Variants in ECHDC1 observed in about 807,000 individuals in gnomAD.
The protein encoded by ECHDC1 is ethylmalonyl-CoA decarboxylase 1.
ECHDC1 carries 29 observed loss-of-function variants against 29.7 expected under a neutral mutation model. The observed-to-expected ratio is 0.98, with a 90% CI of 0.73 to 1.33. The LOEUF (loss-of-function observed/expected upper bound fraction) is 1.33, where lower values mean the gene tolerates loss of function less well. Ranked by LOEUF, ECHDC1 falls within the 40% of genes most tolerant of loss-of-function variation. ECHDC1 has a pLI of 0.00. For missense variants in ECHDC1, 328 were observed against 350.0 expected (o/e 0.94, Z 0.50); for synonymous variants, 126 against 123.1 (o/e 1.02, Z -0.15).
intron 5 of ECHDC1, chr6:127,313,667 ATG>A: frequency 1.6e-5 from 7 of 440,314 alleles, no homozygotes; most frequent in Admixed American, 1.3e-4. Context: ...CAAGTGTATA[ATG>A]AATTTTTAAA....
At chr6:127,333,998 C>A (rs1784205313) in intron 1 of ECHDC1, among the ~76,000 whole-genome samples, 1 of 152,086 alleles carries the variant, frequency 6.6e-6, no homozygotes, top group Non-Finnish European at 1.5e-5. Flanking sequence ...AGTTCCTGTG[C>A]AAGCTTTTTG....
chr6:127,315,922 C>T (rs1303685061), intron 4 of ECHDC1: 1 of 470,226 alleles, frequency 2.1e-6, no homozygotes, highest in Admixed American at 2.4e-5. Flanking sequence ...CAGTTTGTAA[C>T]CTCAAACATA....
intron 1 of ECHDC1, among the ~76,000 whole-genome samples, chr6:127,331,348 G>A (rs1470670568): frequency 6.6e-6 from 1 of 151,970 alleles, no homozygotes; most frequent in Non-Finnish European, 1.5e-5. Context: ...GTTTCACCAT[G>A]TTAACCAGGC....
At chr6:127,307,279 A>G (rs149958340) in intron 5 of ECHDC1, among the ~76,000 whole-genome samples, 74 of 152,340 alleles carry the variant, frequency 4.9e-4, no homozygotes, top group African/African-American at 1.7e-3. Flanking sequence ...AGCAAGCCAA[A>G]CTCAAAATTA....
chr6:127,311,058 T>TTATA (rs763612145), intron 5 of ECHDC1, among the ~76,000 whole-genome samples: 19 of 152,168 alleles, frequency 1.2e-4, no homozygotes, highest in Non-Finnish European at 2.2e-4. Context: ...TACACATAAC[T>TTATA]TATATACGCA....
intron 1 of ECHDC1, among the ~76,000 whole-genome samples, chr6:127,338,123 A>C (rs950041497): frequency 6.6e-6 from 1 of 152,352 alleles, no homozygotes; most frequent in Non-Finnish European, 1.5e-5. Context: ...TTTCTGGCCA[A>C]GAAATGGGAT....
At position 127,330,823 on chromosome 6, in the gene ECHDC1, A is replaced by G; in HGVS notation, c.206T>C (p.Met69Thr). 2 of 1,613,606 alleles carry G rather than the reference A, an allele frequency of 1.2e-6. No individual in the cohort carries two copies. The highest frequency in any genetic ancestry group is 2.2e-5 in the South Asian group (2 of 91,026). ...ATCCCTAATACCTGAAAAGGCATTC[A>G]TTCTACTTGGATTGTTCAGAGTAAG... ...GILTLNNPSRMNAFSGVMMLQ... is the reference protein window; with the variant it reads ...GILTLNNPSRTNAFSGVMMLQ... Residue 69 changes from methionine (M) to threonine (T), a missense_variant, in exon 2 of 6, where the codon ATG becomes ACG. Met to Thr is a moderately conservative substitution (Grantham distance 81, BLOSUM62 -1). Transcript: ENST00000454859.
intron 3 of ECHDC1, among the ~76,000 whole-genome samples, chr6:127,320,799 A>C (rs886385069): frequency 2.6e-5 from 4 of 152,160 alleles, no homozygotes; most frequent in African/African-American, 9.7e-5. Flanking sequence ...CTGAACCAAG[A>C]ATTAACTGCC....
At chr6:127,316,692 G>C (rs1192645611) in intron 3 of ECHDC1, among the ~76,000 whole-genome samples, 190 bp from the exon 4 acceptor site, 1 of 151,824 alleles carries the variant, frequency 6.6e-6, no homozygotes, top group African/African-American at 2.4e-5. Flanking sequence ...ATATCCTAGG[G>C]CTCCTTGAGC....
At chr6:127,316,817 C>T (rs1368953720) in intron 3 of ECHDC1, among the ~76,000 whole-genome samples, 2 of 152,030 alleles carry the variant, frequency 1.3e-5, no homozygotes, top group African/African-American at 4.8e-5. Flanking sequence ...AAGATATACC[C>T]ATCTGTTATC....
chr6:127,295,509 A>G (rs1780527560), intron 5 of ECHDC1, among the ~76,000 whole-genome samples: 1 of 152,244 alleles, frequency 6.6e-6, no homozygotes, highest in South Asian at 2.1e-4. Context: ...TCATACACAT[A>G]TAAATCAACC....
intron 5 of ECHDC1, among the ~76,000 whole-genome samples, chr6:127,293,027 T>C (rs1180516565): frequency 6.6e-6 from 1 of 152,138 alleles, no homozygotes; most frequent in Non-Finnish European, 1.5e-5. Flanking sequence ...TGTGGATATA[T>C]TTCTTGTTAC....
At chr6:127,324,786 A>G (rs1783163890) in intron 3 of ECHDC1, among the ~76,000 whole-genome samples, 1 of 152,220 alleles carries the variant, frequency 6.6e-6, no homozygotes, top group Admixed American at 6.5e-5. Flanking sequence ...AGCTGGAACA[A>G]TTTGAGCAAC....
intron 2 of ECHDC1, chr6:127,329,912 G>A: frequency 2.2e-6 from 1 of 454,890 alleles, no homozygotes; most frequent in Non-Finnish European, 4.4e-6. Flanking sequence ...GTCATCTTGG[G>A]TTTAAAGACT....
chr6:127,310,513 T>C (rs140052741), intron 5 of ECHDC1, among the ~76,000 whole-genome samples: 145 of 152,126 alleles, frequency 9.5e-4, no homozygotes, highest in African/African-American at 3.3e-3. Flanking sequence ...AGCAAGACAA[T>C]TGGAATTAGA....
intron 5 of ECHDC1, among the ~76,000 whole-genome samples, chr6:127,306,643 C>T (rs924464328): frequency 4.3e-4 from 66 of 152,284 alleles, no homozygotes; most frequent in African/African-American, 1.4e-3. Context: ...GATTCCCCAG[C>T]CATGCTTCCT....
At chr6:127,335,592 C>G (rs1784359490) in intron 1 of ECHDC1, among the ~76,000 whole-genome samples, 2 of 152,026 alleles carry the variant, frequency 1.3e-5, no homozygotes, top group African/African-American at 2.4e-5. Context: ...AATTTCAAAT[C>G]TGTTATCGTC....
At position 127,289,494 on chromosome 6, in the gene ECHDC1, G is replaced by A. The variant is rs1231125353; in HGVS notation, c.*375C>T. The stretch of plus-strand genomic sequence containing the variant: ...TTAGCAGCAACACTCAGTTATTTTG[G>A]TAAATTATTTCCAGGTAAAACAGAA... On this transcript the variant is annotated 3_prime_UTR_variant, in exon 6 of 6. Coordinates refer to ENST00000454859, the MANE Select transcript of ECHDC1 (RefSeq NM_001002030.2). The A allele has an allele frequency of 6.1e-6, 1 of 163,674 alleles. No homozygotes were observed. The highest frequency in any genetic ancestry group is 2.4e-5 in the African/African-American group (1 of 41,682). The allele number at this position is 163,674 out of a possible 1,614,324, so 10.1% of individuals were successfully genotyped here.
intron 1 of ECHDC1, among the ~76,000 whole-genome samples, chr6:127,337,492 C>T (rs993684411): frequency 1.3e-5 from 2 of 152,132 alleles, no homozygotes; most frequent in African/African-American, 4.8e-5. Context: ...TGGAAGCACC[C>T]CCGCTTTAAG....
Sources: gnomAD v4.1 joint callset for allele counts (sites outside exome capture counted in the v4.1 genomes callset) on GRCh38, gnomAD v4.1.1 for gene constraint, MANE v1.5 for transcripts, NCBI Gene and HGNC (gene_info 2026-07-23, HGNC 2026-07-21) for gene names.